PTPRF: variants seen among roughly 807,000 people sequenced by gnomAD.
The protein encoded by PTPRF is protein tyrosine phosphatase receptor type F, also known as receptor-type tyrosine-protein phosphatase F.
A neutral mutation model predicts 201.8 loss-of-function variants in PTPRF; 59 were observed. The observed-to-expected ratio is 0.29, with a 90% CI of 0.24 to 0.36. The LOEUF (loss-of-function observed/expected upper bound fraction) is 0.36. Ranked by LOEUF, PTPRF falls within the 10% of genes least tolerant of loss-of-function variation. The pLI is 1.00. For missense variants in PTPRF, 2,132 were observed against 2,690.5 expected, an observed-to-expected ratio of 0.79 and a Z score of 4.59; for synonymous variants, 1,088 against 1,089.7, an observed-to-expected ratio of 1.00 and a Z score of 0.03.
intron 23 of PTPRF, 122 bp downstream of exon 23, chr1:43,613,837 A>G: frequency 1.2e-6 from 1 of 846,538 alleles, no homozygotes; most frequent in Non-Finnish European, 1.9e-6. Context: ...TCAGGAGCAC[A>G]GAGAGGAGGG....
chr1:43,568,972 A>T (rs1646376968), intron 5 of PTPRF, among the ~76,000 whole-genome samples: 2 of 152,228 alleles, frequency 1.3e-5, no homozygotes, highest in African/African-American at 4.8e-5. Context: ...GAGAAAGCTC[A>T]AGGTCAAGGC....
At chr1:43,585,581 G>A (rs1405907503) in intron 7 of PTPRF, among the ~76,000 whole-genome samples, 1 of 152,070 alleles carries the variant, frequency 6.6e-6, no homozygotes, top group Non-Finnish European at 1.5e-5. Flanking sequence ...CCTGCCCCCT[G>A]CATCTAGGAG....
intron 7 of PTPRF, chr1:43,582,387 G>C (rs140832772): frequency 6.6e-6 from 1 of 152,316 alleles, no homozygotes; most frequent in Non-Finnish European, 1.5e-5. Flanking sequence ...GCAGGCCCAG[G>C]CATGCTGGGT....
chr1:43,562,201 C>T (rs974428652), intron 5 of PTPRF, among the ~76,000 whole-genome samples: 8 of 151,832 alleles, frequency 5.3e-5, no homozygotes, highest in South Asian at 2.1e-4. Context: ...TTCCGCCTCC[C>T]GGGTTCAGAT....
intron 2 of PTPRF, among the ~76,000 whole-genome samples, chr1:43,540,662 G>A (rs1644304877): frequency 6.6e-6 from 1 of 152,206 alleles, no homozygotes; most frequent in African/African-American, 2.4e-5. Context: ...TCAGTGAGAT[G>A]GAGAAACTGA....
At chr1:43,555,442 C>CTTTTTTTTTT (rs986469997) in intron 5 of PTPRF, among the ~76,000 whole-genome samples, 2 of 115,570 alleles carry the variant, frequency 1.7e-5, no homozygotes, top group African/African-American at 3.2e-5. Context: ...TATCATTATT[C>CTTTTTTTTTT]TTTTTTTTTT....
chr1:43,522,292 G>T (rs912652162), upstream of PTPRF, among the ~76,000 whole-genome samples: 1 of 152,186 alleles, frequency 6.6e-6, no homozygotes, highest in African/African-American at 2.4e-5. Context: ...GAGGAGCGGC[G>T]TCAGAAGGGT....
At chr1:43,612,014 C>T (rs1007504970) in intron 22 of PTPRF, among the ~76,000 whole-genome samples, 3 of 152,104 alleles carry the variant, frequency 2.0e-5, no homozygotes, top group Non-Finnish European at 4.4e-5. Context: ...AAGCCCAGGG[C>T]AGGGAAGGTG....
At chr1:43,532,841 C>A (rs1570860077) in intron 1 of PTPRF, among the ~76,000 whole-genome samples, 1 of 152,108 alleles carries the variant, frequency 6.6e-6, no homozygotes, top group Non-Finnish European at 1.5e-5. Context: ...TTCTCGTACC[C>A]TCTTGCCTTC....
rs147867489 is a variant in PTPRF at position 43,537,166 on chromosome 1, A to T, written c.-125-1032A>T. Among the ~76,000 whole-genome samples the T allele has an allele frequency of 3.9e-5, 6 of 152,126 alleles. No homozygotes were observed. In the East Asian group the frequency reaches 7.8e-4, roughly 20 times the overall value. On this transcript the variant is annotated intron_variant, in intron 1 of 33. Coordinates refer to ENST00000359947, the MANE Select transcript of PTPRF (RefSeq NM_002840.5). The surrounding 1 kb of genome is among the most constrained non-coding windows in gnomAD (Gnocchi z 4.8). Reference sequence around the variant, plus strand: ...ACAGCTGAGCTTCCGTGAAGTGGTGATGAGGTGGTATGGGTGTGTCTGACC... The same window carrying T: ...ACAGCTGAGCTTCCGTGAAGTGGTGTTGAGGTGGTATGGGTGTGTCTGACC...
At chr1:43,567,564 A>C (rs1023561358) in intron 5 of PTPRF, among the ~76,000 whole-genome samples, 3 of 152,178 alleles carry the variant, frequency 2.0e-5, no homozygotes, top group African/African-American at 7.2e-5. Flanking sequence ...CATGGGCCAC[A>C]GTCCCTTTGG....
intron 1 of PTPRF, among the ~76,000 whole-genome samples, chr1:43,533,390 A>G (rs946175582): frequency 6.6e-6 from 1 of 151,418 alleles, no homozygotes; most frequent in Non-Finnish European, 1.5e-5. Context: ...GTGTATGGAT[A>G]CGCAGCAAAA....
chr1:43,522,738 A>G (rs187204261), upstream of PTPRF, among the ~76,000 whole-genome samples: 158 of 152,096 alleles, frequency 1.0e-3, no homozygotes, highest in Non-Finnish European at 1.5e-3. Flanking sequence ...GGAAGGGGGA[A>G]ATGCAGTATG....
Position 43,603,355 on chromosome 1 carries a change from G to A in PTPRF, c.2341-61G>A. ...CTCAGGCTAGGGTCCTGAGGTCCCT[G>A]ACAAGGTCTGGCCTCTCCCTGCATT... On this transcript the variant is annotated intron_variant, in intron 14 of 33. Coordinates refer to ENST00000359947, the MANE Select transcript of PTPRF (RefSeq NM_002840.5). This position sits in a 1 kb window ranked among gnomAD's most constrained non-coding sequence, Gnocchi z 5.8. The A allele has an allele frequency of 1.3e-6, 2 of 1,492,492 alleles. No individual in the cohort carries two copies. The highest frequency in any genetic ancestry group is 9.3e-7 in the Non-Finnish European group (1 of 1,069,932). The allele number at this position is 1,492,492 out of a possible 1,614,324, so 92.5% of individuals were successfully genotyped here.
chr1:43,597,639 C>T (rs1337616153), intron 11 of PTPRF, 109 bp from the exon 12 acceptor site: 16 of 852,438 alleles, frequency 1.9e-5, no homozygotes, highest in Non-Finnish European at 2.4e-5. Context: ...CATTTCAGCA[C>T]CTAAGGGGTA....
intron 19 of PTPRF, 150 bp downstream of exon 19, chr1:43,605,772 A>G (rs933295208): frequency 2.2e-5 from 16 of 743,652 alleles, no homozygotes; most frequent in Non-Finnish European, 3.4e-5. Context: ...CTCTGGAGAG[A>G]GGGACTCTGA....
At chr1:43,572,525 A>ACCTGG (rs1049895062) in intron 6 of PTPRF, among the ~76,000 whole-genome samples, 1 of 152,058 alleles carries the variant, frequency 6.6e-6, no homozygotes, top group African/African-American at 2.4e-5. Flanking sequence ...TCCCTGCCTG[A>ACCTGG]CCTGGCCTGG....
At position 43,620,142 on chromosome 1, in the gene PTPRF, C is replaced by T. The variant is rs1557878360; in HGVS notation, c.5159C>T (p.Thr1720Ile). 2 of 1,614,086 alleles carry T rather than the reference C, an allele frequency of 1.2e-6. No homozygotes were observed. Among genetic ancestry groups the T allele is most frequent in the East Asian group, 2.2e-5 (1 of 44,882 alleles). The part of the protein sequence containing the change: ...IATQGPLAES[T>I]EDFWRMLWEH... ...ACACAGGGGCCTCTGGCAGAGAGCA[C>T]CGAGGACTTCTGGCGCATGCTATGG... is the stretch of plus-strand genomic sequence containing the variant. Residue 1720 changes from threonine (T) to isoleucine (I), a missense_variant, in exon 30 of 34, where the codon ACC becomes ATC. Around this residue, in one of 6 missense-constraint regions of PTPRF, gnomAD observed 519 missense variants for 659.5 expected, o/e 0.79. Transcript: ENST00000359947.
At chr1:43,533,160 A>G (rs955640093) in intron 1 of PTPRF, among the ~76,000 whole-genome samples, 3 of 151,720 alleles carry the variant, frequency 2.0e-5, no homozygotes, top group Admixed American at 6.6e-5. Context: ...TAACAAGAAA[A>G]TTGTTTTAAC....
Sources: allele counts gnomAD v4.1 joint callset (sites outside exome capture counted in the v4.1 genomes callset), GRCh38; gene constraint gnomAD v4.1.1; regional missense constraint gnomAD v4.1.1; non-coding constraint Gnocchi (gnomAD v3.1); transcripts MANE v1.5; gene names NCBI Gene and HGNC (gene_info 2026-07-23, HGNC 2026-07-21).